UBE2E2: variants seen among roughly 807,000 people sequenced by gnomAD.
UBE2E2 encodes the protein ubiquitin-conjugating enzyme E2 E2.
UBE2E2 carries 6 observed loss-of-function variants against 24.7 expected under a neutral mutation model. That is an observed-to-expected ratio of 0.24 (90% confidence interval 0.13 to 0.48). UBE2E2 has a LOEUF of 0.48. UBE2E2 is among the 20% of genes least tolerant of loss of function. UBE2E2 has a pLI of 0.99. For missense variants in UBE2E2, 169 were observed against 245.0 expected (o/e 0.69, Z 2.07); for synonymous variants, 104 against 83.6 (o/e 1.24, Z -1.33).
At chr3:23,285,878 A>G (rs993532746) in intron 3 of UBE2E2, among the ~76,000 whole-genome samples, 1 of 152,036 alleles carries the variant, frequency 6.6e-6, no homozygotes, top group Non-Finnish European at 1.5e-5. Context: ...GTTATTTTTT[A>G]GTCAAGAGGG....
chr3:23,472,470 C>G (rs147818443), intron 3 of UBE2E2, among the ~76,000 whole-genome samples: 1 of 152,256 alleles, frequency 6.6e-6, no homozygotes, highest in Non-Finnish European at 1.5e-5. Context: ...GCACCATCCT[C>G]CATACTTTTT....
chr3:23,264,522 C>CT (rs1697991492), intron 3 of UBE2E2, among the ~76,000 whole-genome samples: 1 of 152,070 alleles, frequency 6.6e-6, no homozygotes, highest in South Asian at 2.1e-4. Context: ...TATCATGTGA[C>CT]TTTGAGTTTT....
chr3:23,303,524 A>G (rs1256080851), intron 3 of UBE2E2, among the ~76,000 whole-genome samples: 1 of 152,292 alleles, frequency 6.6e-6, no homozygotes, highest in Admixed American at 6.5e-5. Flanking sequence ...ATTGTCAGGT[A>G]TAAATTTTCC....
chr3:23,564,305 A>G (rs1214966087), intron 5 of UBE2E2, among the ~76,000 whole-genome samples: 3 of 152,210 alleles, frequency 2.0e-5, no homozygotes, highest in Non-Finnish European at 4.4e-5. Context: ...AAACAAATGT[A>G]GCTAGTTATA....
rs554580847 is a variant in UBE2E2, at chr3:23,541,496, C to G, written c.508+8795C>G. Among the ~76,000 whole-genome samples, 18 of 152,300 alleles carry G rather than the reference C, an allele frequency of 1.2e-4. No individual in the cohort carries two copies. The South Asian group carries it at 2.9e-3, about 25-fold the overall frequency. On this transcript the variant is annotated intron_variant, in intron 5 of 5. Coordinates refer to ENST00000396703, the MANE Select transcript of UBE2E2 (RefSeq NM_152653.4). ...TCATGTCATATTGGTGAATAATTCA[C>G]ACAATAAGCAGTACAAGAGTTTGCC...
chr3:23,354,893 A>G (rs1382219901), intron 3 of UBE2E2, among the ~76,000 whole-genome samples: 19 of 152,076 alleles, frequency 1.2e-4, no homozygotes, highest in African/African-American at 3.9e-4. Context: ...ATACCCAAAG[A>G]ACTATAAATC....
At chr3:23,411,540 C>T (rs1298757532) in intron 3 of UBE2E2, among the ~76,000 whole-genome samples, 1 of 152,058 alleles carries the variant, frequency 6.6e-6, no homozygotes, top group Non-Finnish European at 1.5e-5. Flanking sequence ...CTGAGAGGAG[C>T]GAGGAGGTTT....
intron 3 of UBE2E2, among the ~76,000 whole-genome samples, chr3:23,382,856 G>A (rs1575597128): frequency 6.6e-6 from 1 of 151,950 alleles, no homozygotes; most frequent in East Asian, 1.9e-4. Context: ...AGACATGAAG[G>A]GAATGACAGT....
intron 5 of UBE2E2, among the ~76,000 whole-genome samples, chr3:23,582,860 AGTGTGTGTGTGTGTGT>A (rs58053821): frequency 9.4e-5 from 11 of 116,748 alleles, no homozygotes; most frequent in African/African-American, 3.9e-4. Flanking sequence ...TATTCTGTTG[AGTGTGTGTGTGTGTGT>A]GTGTGTGTGT....
intron 3 of UBE2E2, among the ~76,000 whole-genome samples, chr3:23,429,168 G>A (rs1222090954): frequency 2.0e-5 from 3 of 152,050 alleles, no homozygotes; most frequent in African/African-American, 4.8e-5. Flanking sequence ...AAAACGGAAA[G>A]CACCAGGCCC....
At chr3:23,569,973 C>G (rs543132495) in intron 5 of UBE2E2, among the ~76,000 whole-genome samples, 1 of 152,250 alleles carries the variant, frequency 6.6e-6, no homozygotes, top group East Asian at 1.9e-4. Flanking sequence ...TTTGTGGAAT[C>G]TTGCTTTTCT....
At chr3:23,498,675 A>T (rs1699657000) in intron 3 of UBE2E2, among the ~76,000 whole-genome samples, 1 of 152,172 alleles carries the variant, frequency 6.6e-6, no homozygotes, top group Non-Finnish European at 1.5e-5. Flanking sequence ...GACCTATTGC[A>T]ACTCATTTAA....
chr3:23,501,129 C>T lies in UBE2E2; in HGVS notation c.360+1389C>T, dbSNP rs559580787. ...GTTGTACTATGAGGGATGTAAGGACCTTTCTTTCTCAGCCTCTACAGTAAA... is the reference window on the plus strand; with the variant it reads ...GTTGTACTATGAGGGATGTAAGGACTTTTCTTTCTCAGCCTCTACAGTAAA... On this transcript the variant is annotated intron_variant, in intron 4 of 5. Coordinates refer to ENST00000396703, the MANE Select transcript of UBE2E2 (RefSeq NM_152653.4). Among the ~76,000 whole-genome samples, 233 of 152,242 alleles carry T rather than the reference C, an allele frequency of 1.5e-3. 1 individual carries two copies. Among genetic ancestry groups the T allele is most frequent in the Non-Finnish European group, 2.9e-3 (196 of 68,012 alleles).
intron 5 of UBE2E2, among the ~76,000 whole-genome samples, chr3:23,555,248 T>A (rs1464244120): frequency 6.6e-6 from 1 of 152,086 alleles, no homozygotes; most frequent in Non-Finnish European, 1.5e-5. Context: ...AAAGATGACA[T>A]TAAAATGGCC....
chr3:23,510,139 A>G (rs951838236), intron 4 of UBE2E2, among the ~76,000 whole-genome samples: 2 of 152,160 alleles, frequency 1.3e-5, no homozygotes, highest in African/African-American at 4.8e-5. Context: ...AGACAGAGAG[A>G]AATGAATGTT....
intron 3 of UBE2E2, among the ~76,000 whole-genome samples, chr3:23,338,195 G>A (rs543683443): frequency 2.0e-5 from 3 of 152,288 alleles, no homozygotes; most frequent in South Asian, 2.1e-4. Flanking sequence ...TGATCAAAAT[G>A]TGCAGTCTAA....
intron 3 of UBE2E2, among the ~76,000 whole-genome samples, chr3:23,467,994 G>C (rs1351648106): frequency 1.3e-5 from 2 of 152,124 alleles, no homozygotes; most frequent in Non-Finnish European, 2.9e-5. Flanking sequence ...CCATGATTCA[G>C]TCATCTCCCA....
chr3:23,264,805 G>A (rs1003989538), intron 3 of UBE2E2, among the ~76,000 whole-genome samples: 2 of 152,156 alleles, frequency 1.3e-5, no homozygotes, highest in African/African-American at 4.8e-5. Context: ...AAGAAACATT[G>A]TAGTAATTGT....
chr3:23,230,191 T>C (rs529372566), intron 3 of UBE2E2, among the ~76,000 whole-genome samples: 109 of 152,324 alleles, frequency 7.2e-4, no homozygotes, highest in African/African-American at 2.2e-3. Flanking sequence ...TAGATATTTA[T>C]TTTAAATTTC....
Sources: allele counts gnomAD v4.1 joint callset (sites outside exome capture counted in the v4.1 genomes callset), GRCh38; gene constraint gnomAD v4.1.1; transcripts MANE v1.5; gene names NCBI Gene and HGNC (gene_info 2026-07-23, HGNC 2026-07-21).